The following VAV1 variants were observed in gnomAD, a reference collection of about 807,000 sequenced individuals.
The protein encoded by VAV1 is proto-oncogene vav.
VAV1 carries 33 observed loss-of-function variants against 128.1 expected under a neutral mutation model. That is an observed-to-expected ratio of 0.26 (90% confidence interval 0.20 to 0.34). VAV1 has a LOEUF of 0.34. VAV1 is among the 10% of genes least tolerant of loss of function. The pLI, the probability that VAV1 is intolerant of heterozygous loss-of-function variation, is 1.00. For synonymous variants in VAV1, 394 were observed against 409.8 expected (o/e 0.96, Z 0.47); for missense variants, 715 against 1,093.7 (o/e 0.65, Z 4.88).
At chr19:6,851,649 C>T (rs1334240670) in intron 24 of VAV1, among the ~76,000 whole-genome samples, 1 of 152,168 alleles carries the variant, frequency 6.6e-6, no homozygotes. Context: ...TCAGCAACAA[C>T]TCAAATGCCT....
intron 1 of VAV1, among the ~76,000 whole-genome samples, chr19:6,786,313 T>C (rs921880245): frequency 6.6e-6 from 1 of 152,072 alleles, no homozygotes; most frequent in Admixed American, 6.6e-5. Context: ...TGCCTCGTGT[T>C]TTAAAAATTA....
In VAV1 at chr19:6,828,945, G is replaced by A. The variant is rs932106901; in HGVS notation, c.1265+45G>A. On this transcript the variant is annotated intron_variant, in intron 13 of 26. Transcript: ENST00000602142. The surrounding 1 kb of genome is among the most constrained non-coding windows in gnomAD (Gnocchi z 4.5). Reference sequence around the variant, plus strand: ...ATCTGGGATGGAGCCTGGGCAAAGGGGTGGGACCAGGCTCCTAGATGGGCA... The same window carrying A: ...ATCTGGGATGGAGCCTGGGCAAAGGAGTGGGACCAGGCTCCTAGATGGGCA... 7 of 1,603,454 alleles carry A rather than the reference G, an allele frequency of 4.4e-6. No homozygotes were observed. Among genetic ancestry groups the A allele is most frequent in the African/African-American group, 2.7e-5 (2 of 74,480 alleles).
chr19:6,800,792 T>TGTGTGTGTG (rs1555699758), intron 1 of VAV1, among the ~76,000 whole-genome samples: 1 of 147,612 alleles, frequency 6.8e-6, no homozygotes, highest in African/African-American at 2.5e-5. Context: ...TGGCAAATTT[T>TGTGTGTGTG]TGTGTGTGTG....
chr19:6,828,350 T>A lies in VAV1; in HGVS notation c.1024-69T>A. 6.3e-7 allele frequency: 1 copy of A among 1,595,726 alleles called. No individual in the cohort carries two copies. Reference sequence around the variant, plus strand: ...TGGAGGAGCTGGTGAGCTAGCATTGTTTGGAAGGCCCTCCCCGCAGGGAGA... The same window carrying A: ...TGGAGGAGCTGGTGAGCTAGCATTGATTGGAAGGCCCTCCCCGCAGGGAGA... On this transcript the variant is annotated intron_variant, in intron 10 of 26. Transcript: ENST00000602142. The surrounding 1 kb of genome is among the most constrained non-coding windows in gnomAD (Gnocchi z 4.5).
In VAV1 at chr19:6,822,226, C is replaced by A. The variant is rs761012404; in HGVS notation, c.455C>A (p.Thr152Lys). The A allele has an allele frequency of 6.3e-7, 1 of 1,579,810 alleles. No individual in the cohort carries two copies. Among genetic ancestry groups the A allele is most frequent in the Non-Finnish European group, 8.6e-7 (1 of 1,163,900 alleles). ...YSGLSDQIDDTVEEDEDLYDC... is the reference protein window; with the variant it reads ...YSGLSDQIDDKVEEDEDLYDC... ...CCTGACCTCACAACCCACAGCGACA[C>A]GGTGGAGGAGGATGAGGACCTGTAT... Residue 152 changes from threonine (T) to lysine (K), a missense_variant, in exon 5 of 27, where the codon ACG becomes AAG. Thr to Lys is a moderately conservative substitution (Grantham distance 78). This residue lies in a region of VAV1 where 302 missense variants were observed against 477.8 expected (regional missense o/e 0.63). Coordinates refer to ENST00000602142, the MANE Select transcript of VAV1 (RefSeq NM_005428.4). This position sits in a 1 kb window ranked among gnomAD's most constrained non-coding sequence, Gnocchi z 5.9.
rs150497834 is a variant in VAV1 at position 6,814,817 on chromosome 19, C to T, written c.205-5885C>T. Among the ~76,000 whole-genome samples the T allele has an allele frequency of 4.3e-3, 650 of 150,986 alleles. 7 individuals carry two copies. Among genetic ancestry groups the T allele is most frequent in the African/African-American group, 0.015 (612 of 40,876 alleles). On this transcript the variant is annotated intron_variant, in intron 1 of 26. Transcript: ENST00000602142. The stretch of plus-strand genomic sequence containing the variant: ...GAAATGGTGATAGCAGGTTCCGTTG[C>T]GTAGTTCTGATTTCAAAGGGAATCT...
chr19:6,773,099 C>T, intron 1 of VAV1, 88 bp downstream of exon 1: 2 of 1,519,226 alleles, frequency 1.3e-6, no homozygotes, highest in East Asian at 2.3e-5. Flanking sequence ...TGCTGCTCCA[C>T]CTCTGGGCCT....
intron 1 of VAV1, among the ~76,000 whole-genome samples, chr19:6,797,022 G>A (rs1190348388): frequency 4.6e-5 from 7 of 152,030 alleles, no homozygotes; most frequent in Admixed American, 4.6e-4. Context: ...TGGATCACTT[G>A]AGGTCAGGAG....
rs1345745144 is a variant in VAV1, at chr19:6,822,522, C to T, written c.654+8C>T. 2.6e-6 allele frequency: 4 copies of T among 1,545,430 alleles called. No homozygotes were observed. Among genetic ancestry groups the T allele is most frequent in the South Asian group, 1.2e-5 (1 of 84,072 alleles). On this transcript the variant is annotated splice_region_variant and intron_variant, in intron 6 of 26. Transcript: ENST00000602142. This position sits in a 1 kb window ranked among gnomAD's most constrained non-coding sequence, Gnocchi z 5.9. The stretch of plus-strand genomic sequence containing the variant: ...CTGGGCTCCATCCAGCAGGTGGGCG[C>T]CTCCCACCCAGCGCCTGCCGGGCGC...
intron 22 of VAV1, among the ~76,000 whole-genome samples, chr19:6,846,844 CTA>C (rs1234158236): frequency 6.9e-6 from 1 of 145,634 alleles, no homozygotes; most frequent in Non-Finnish European, 1.5e-5. Flanking sequence ...TTATATATAA[CTA>C]TTATTTATAT....
chr19:6,834,292 G>A (rs1229826745), intron 19 of VAV1, among the ~76,000 whole-genome samples: 1 of 151,468 alleles, frequency 6.6e-6, no homozygotes, highest in Non-Finnish European at 1.5e-5. Context: ...CGCCCAGGCT[G>A]GAGTGCAGTG....
intron 22 of VAV1, among the ~76,000 whole-genome samples, chr19:6,844,950 T>G (rs1465410520): frequency 6.6e-6 from 1 of 151,134 alleles, no homozygotes; most frequent in Non-Finnish European, 1.5e-5. Flanking sequence ...TAAGAGGAGG[T>G]GGGTGAGGTG....
intron 1 of VAV1, among the ~76,000 whole-genome samples, chr19:6,795,515 T>A (rs186924721): frequency 6.6e-6 from 1 of 152,176 alleles, no homozygotes; most frequent in African/African-American, 2.4e-5. Flanking sequence ...TATTTATAAC[T>A]CTAATGGGTA....
At chr19:6,841,478 C>CTT (rs35484934) in intron 21 of VAV1, among the ~76,000 whole-genome samples, 6,346 of 135,556 alleles carry the variant, frequency 0.047, 445 homozygotes, top group African/African-American at 0.15. Context: ...TTTTTCTTTT[C>CTT]TTTTTTTTTT....
At chr19:6,855,967 G>A (rs1028827820) in intron 26 of VAV1, among the ~76,000 whole-genome samples, 7 of 152,152 alleles carry the variant, frequency 4.6e-5, no homozygotes, top group African/African-American at 1.7e-4. Context: ...AACTGTTCTA[G>A]GCTCTTGGGA....
Position 6,833,165 on chromosome 19 carries a change from T to C in VAV1, c.1509-19T>C. 6.3e-7 allele frequency: 1 copy of C among 1,580,510 alleles called. No individual in the cohort carries two copies. On this transcript the variant is annotated intron_variant, in intron 15 of 26. Transcript: ENST00000602142. Reference sequence around the variant, plus strand: ...ATACTGACCTTCTTTTTTTTTTTTTTTTAATTTTCCCCTGCCAGCTCCAAC... The same window carrying C: ...ATACTGACCTTCTTTTTTTTTTTTTCTTAATTTTCCCCTGCCAGCTCCAAC...
chr19:6,802,511 C>T (rs1004266247), intron 1 of VAV1, among the ~76,000 whole-genome samples: 9 of 152,034 alleles, frequency 5.9e-5, no homozygotes, highest in Non-Finnish European at 1.0e-4. Flanking sequence ...ATGAATCATG[C>T]CCCCTTTCCC....
chr19:6,842,964 C>A (rs746568352), intron 21 of VAV1, among the ~76,000 whole-genome samples, 171 bp from the exon 22 acceptor site: 4 of 152,130 alleles, frequency 2.6e-5, no homozygotes, highest in African/African-American at 4.8e-5. Context: ...GCAGTCTCTC[C>A]CCCGAGGTTC....
intron 1 of VAV1, among the ~76,000 whole-genome samples, chr19:6,774,031 G>A (rs1026487956): frequency 9.2e-5 from 14 of 152,292 alleles, no homozygotes; most frequent in African/African-American, 2.4e-4. Flanking sequence ...ATAAGTTAAT[G>A]GAGATGGGCC....
Sources: allele counts gnomAD v4.1 joint callset (sites outside exome capture counted in the v4.1 genomes callset), GRCh38; gene constraint gnomAD v4.1.1; regional missense constraint gnomAD v4.1.1; non-coding constraint Gnocchi (gnomAD v3.1); transcripts MANE v1.5; gene names NCBI Gene and HGNC (gene_info 2026-07-23, HGNC 2026-07-21).